The following CRYGS variants were observed in gnomAD, a reference collection of about 807,000 sequenced individuals.
The protein encoded by CRYGS is crystallin gamma S.
In CRYGS, 13 loss-of-function variants were observed where a neutral mutation model predicts 21.3. The ratio of observed to expected loss-of-function variants is 0.61; its 90% CI spans 0.40 to 0.97. The LOEUF (loss-of-function observed/expected upper bound fraction) is 0.97. Ranked by LOEUF, CRYGS falls within the 50% of genes least tolerant of loss-of-function variation. CRYGS has a pLI of 0.00. For synonymous variants in CRYGS, 67 were observed against 75.0 expected, an observed-to-expected ratio of 0.89 and a Z score of 0.55; for missense variants, 205 against 229.7, an observed-to-expected ratio of 0.89 and a Z score of 0.69.
At chr3:186,542,519 T>C (rs1014421036) in intron 1 of CRYGS, among the ~76,000 whole-genome samples, 1 of 152,114 alleles carries the variant, frequency 6.6e-6, no homozygotes, top group Non-Finnish European at 1.5e-5. Context: ...ACTAATCCAA[T>C]GCAGCAGAGA....
chr3:186,544,247 G>C, intron 1 of CRYGS, 59 bp downstream of exon 1: 1 of 1,194,150 alleles, frequency 8.4e-7, no homozygotes, highest in South Asian at 1.2e-5. Flanking sequence ...GCTTTTCTGT[G>C]TGTTGAATGC....
At chr3:186,541,231 C>G (rs1367589390) in intron 1 of CRYGS, among the ~76,000 whole-genome samples, 1 of 152,206 alleles carries the variant, frequency 6.6e-6, no homozygotes, top group Non-Finnish European at 1.5e-5. Context: ...GTAGTTCTTT[C>G]TATCTAGATA....
chr3:186,540,061 T>C (rs968875943), intron 1 of CRYGS: 15 of 178,486 alleles, frequency 8.4e-5, no homozygotes, highest in African/African-American at 3.3e-4. Flanking sequence ...CTAGGTGATA[T>C]GGAGGATACA....
chr3:186,539,581 T>A lies in CRYGS; in HGVS notation c.38A>T (p.Asp13Val). 2 of 1,614,038 alleles carry A rather than the reference T, an allele frequency of 1.2e-6. No individual in the cohort carries two copies. The highest frequency in any genetic ancestry group is 8.5e-7 in the Non-Finnish European group (1 of 1,179,898). Residue 13 changes from aspartate (D) to valine (V), a missense_variant, in exon 2 of 3, where the codon GAC becomes GTC. By Grantham distance (152) the Asp-to-Val change is radical. Coordinates refer to ENST00000307944, the MANE Select transcript of CRYGS (RefSeq NM_017541.4). ...ATAGCGACGGCCTTGAAAATTTTTG[T>A]CTTCATAGAAAGTAATCTGAAGTAG... ...KTGTKITFYE[D>V]KNFQGRRYDC...
chr3:186,538,936 A>C lies in CRYGS; in HGVS notation c.297T>G (p.Phe99Leu). The C allele has an allele frequency of 6.2e-7, 1 of 1,614,104 alleles. No individual in the cohort carries two copies. Among genetic ancestry groups the C allele is most frequent in the Non-Finnish European group, 8.5e-7 (1 of 1,180,002 alleles). The part of the protein sequence containing the change: ...PSGGQYKIQI[F>L]EKGDFSGQMY... ...TCTGACCACTAAAATCCCCTTTCTC[A>C]AAGATCTGAATCTTATACTGGCCTC... Residue 99 changes from phenylalanine (F) to leucine (L), a missense_variant, in exon 3 of 3, where the codon TTT becomes TTG. By Grantham distance (22) the Phe-to-Leu change is conservative. Transcript: ENST00000307944.
intron 2 of CRYGS, among the ~76,000 whole-genome samples, 170 bp from the exon 3 acceptor site, chr3:186,539,138 A>G (rs1037592192): frequency 2.6e-5 from 4 of 152,178 alleles, no homozygotes; most frequent in African/African-American, 9.7e-5. Flanking sequence ...AGAAAAAATT[A>G]ATTCTTCAAA....
Position 186,539,458 on chromosome 3 carries a change from T to C in CRYGS, c.161A>G (p.Asn54Ser), listed in dbSNP as rs1390954860. Reference protein sequence around the residue: ...GGTWAVYERPNFAGYMYILPQ... With the variant: ...GGTWAVYERPSFAGYMYILPQ... ...TAAGATGTACATGTACCCAGCAAAG[T>C]TGGGCCTTTCATAAACAGCCCAGGT... The change falls in exon 2 of 3, where the codon AAC (asparagine) becomes AGC (serine). Residue 54 changes from asparagine to serine, a missense_variant. Transcript: ENST00000307944. The C allele has an allele frequency of 1.9e-6, 3 of 1,612,910 alleles. No homozygotes were observed. The highest frequency in any genetic ancestry group is 2.7e-5 in the African/African-American group (2 of 74,888).
rs528601689 is a variant in CRYGS, at chr3:186,539,259, G to A, written c.264+96C>T. 1.0e-5 allele frequency: 16 copies of A among 1,535,860 alleles called. No homozygotes were observed. In the African/African-American group the frequency reaches 1.5e-4, roughly 14 times the overall value. ...CAGCCAACAAGCAGCTACTCATTAA[G>A]AGGTAGAGAAGACTCAAGAAAATGT... On this transcript the variant is annotated intron_variant, in intron 2 of 2. Coordinates refer to ENST00000307944, the MANE Select transcript of CRYGS (RefSeq NM_017541.4).
At chr3:186,542,281 CT>C (rs2108744632) in intron 1 of CRYGS, among the ~76,000 whole-genome samples, 1 of 152,320 alleles carries the variant, frequency 6.6e-6, no homozygotes, top group African/African-American at 2.4e-5. Context: ...CTAAGCTCTC[CT>C]TTCAGTGGGA....
At chr3:186,541,991 C>T (rs889605733) in intron 1 of CRYGS, among the ~76,000 whole-genome samples, 1 of 152,158 alleles carries the variant, frequency 6.6e-6, no homozygotes, top group African/African-American at 2.4e-5. Context: ...GTTCTATTTG[C>T]CTTTGGTTTT....
chr3:186,540,271 T>C (rs1223108020), intron 1 of CRYGS: 1 of 152,874 alleles, frequency 6.5e-6, no homozygotes, highest in Non-Finnish European at 1.5e-5. Flanking sequence ...CTGGGGTAAG[T>C]CTCTGATGGC....
chr3:186,543,595 A>G (rs906529554), intron 1 of CRYGS, among the ~76,000 whole-genome samples: 43 of 152,224 alleles, frequency 2.8e-4, no homozygotes, highest in South Asian at 2.1e-4. Flanking sequence ...TATTCATTCA[A>G]CATTTCTTTG....
chr3:186,539,824 G>A, intron 1 of CRYGS: 1 of 512,862 alleles, frequency 1.9e-6, no homozygotes. Flanking sequence ...AAACAGAAGA[G>A]GGCTCTAATA....
At chr3:186,540,667 T>C (rs983102279) in intron 1 of CRYGS, 10 of 618,848 alleles carry the variant, frequency 1.6e-5, no homozygotes, top group Middle Eastern at 8.0e-4. Context: ...TTCGAACCGT[T>C]AATTACCTGG....
At chr3:186,539,806 A>G (rs1197974156) in intron 1 of CRYGS, 3 of 561,110 alleles carry the variant, frequency 5.3e-6, no homozygotes, top group Non-Finnish European at 9.4e-6. Context: ...AAGGCTGAAC[A>G]TGAAGCAAAA....
chr3:186,543,424 T>C (rs1714113086), intron 1 of CRYGS, among the ~76,000 whole-genome samples: 1 of 152,158 alleles, frequency 6.6e-6, no homozygotes, highest in African/African-American at 2.4e-5. Flanking sequence ...TACAGGGAAA[T>C]GCCCTTGTTT....
chr3:186,541,889 A>C (rs551665739), intron 1 of CRYGS, among the ~76,000 whole-genome samples: 1 of 152,226 alleles, frequency 6.6e-6, no homozygotes, highest in Non-Finnish European at 1.5e-5. Flanking sequence ...CCTAAGCCTC[A>C]GGGGCTCTTC....
At chr3:186,541,701 G>A (rs1714071814) in intron 1 of CRYGS, among the ~76,000 whole-genome samples, 1 of 152,178 alleles carries the variant, frequency 6.6e-6, no homozygotes, top group South Asian at 2.1e-4. Flanking sequence ...TTAAGTGATT[G>A]GCCTAATGTC....
At chr3:186,540,664 C>G in intron 1 of CRYGS, 2 of 561,960 alleles carry the variant, frequency 3.6e-6, no homozygotes, top group Non-Finnish European at 4.5e-6. Flanking sequence ...TGCTTCGAAC[C>G]GTTAATTACC....
Sources: allele counts gnomAD v4.1 joint callset (sites outside exome capture counted in the v4.1 genomes callset), GRCh38; gene constraint gnomAD v4.1.1; transcripts MANE v1.5; gene names NCBI Gene and HGNC (gene_info 2026-07-23, HGNC 2026-07-21).